Variants in DLGAP2 observed in about 807,000 individuals in gnomAD.
DLGAP2 encodes DLG associated protein 2.
Under a neutral mutation model 100.3 loss-of-function variants are expected in DLGAP2, and 26 were observed. That is an observed-to-expected ratio of 0.26 (90% confidence interval 0.19 to 0.36). The LOEUF is 0.36. DLGAP2 is among the 10% of genes least tolerant of loss of function. The pLI is 1.00. For synonymous variants in DLGAP2, 886 were observed against 630.1 expected (o/e 1.41, Z -6.08); for missense variants, 1,858 against 1,453.2 (o/e 1.28, Z -4.53).
In DLGAP2 at chr8:770,738, A is replaced by G. The variant is rs1456467549; in HGVS notation, c.18+32913A>G. On this transcript the variant is annotated intron_variant, in intron 1 of 14. Transcript: ENST00000637795. ...AACAGGTTCAGGGGGTTATGCTTGCATTGTGAGCCCCTGAGCTGTAAAATC... is the reference window on the plus strand; with the variant it reads ...AACAGGTTCAGGGGGTTATGCTTGCGTTGTGAGCCCCTGAGCTGTAAAATC... 5.9e-5 allele frequency among the ~76,000 whole-genome samples: 9 copies of G among 152,126 alleles called. No individual in the cohort carries two copies. The South Asian group carries it at 1.7e-3, about 28-fold the overall frequency.
Position 856,823 on chromosome 8 carries a change from G to A in DLGAP2, c.19-51089G>A, listed in dbSNP as rs138721550. Among the ~76,000 whole-genome samples, 106 of 152,294 alleles carry A rather than the reference G, an allele frequency of 7.0e-4. 1 individual carries two copies. Among genetic ancestry groups the A allele is most frequent in the Middle Eastern group, 3.4e-3 (1 of 294 alleles). On this transcript the variant is annotated intron_variant, in intron 1 of 14. Transcript: ENST00000637795. Reference sequence around the variant, plus strand: ...TCTTAACGTGTTCTATACATTCAGCGCAGTCCCCATCAGGATCCCAGCATG... The same window carrying A: ...TCTTAACGTGTTCTATACATTCAGCACAGTCCCCATCAGGATCCCAGCATG...
chr8:1,041,801 G>A (rs923013454), intron 2 of DLGAP2, among the ~76,000 whole-genome samples: 2 of 151,594 alleles, frequency 1.3e-5, no homozygotes, highest in Non-Finnish European at 2.9e-5. Flanking sequence ...CGAGCCCCTT[G>A]TCGTGGGTGA....
chr8:997,359 C>G (rs781016630), intron 2 of DLGAP2, among the ~76,000 whole-genome samples: 12 of 152,170 alleles, frequency 7.9e-5, no homozygotes, highest in Non-Finnish European at 1.3e-4. Context: ...TTACTTGATA[C>G]TTTTCCCCTG....
At chr8:1,037,319 C>A (rs1212300260) in intron 2 of DLGAP2, among the ~76,000 whole-genome samples, 3 of 152,166 alleles carry the variant, frequency 2.0e-5, no homozygotes, top group Non-Finnish European at 4.4e-5. Flanking sequence ...CTGAAGGACA[C>A]CTTTTATCTC....
intron 3 of DLGAP2, chr8:1,302,441 C>A (rs1389098368): frequency 2.4e-5 from 3 of 125,782 alleles, no homozygotes; most frequent in African/African-American, 8.6e-5. Context: ...ACACCTGGGA[C>A]CGGACTCGGA....
chr8:1,091,805 C>T (rs573286690), intron 2 of DLGAP2, among the ~76,000 whole-genome samples: 50 of 152,098 alleles, frequency 3.3e-4, no homozygotes, highest in African/African-American at 1.0e-3. Context: ...CCTACCCCTC[C>T]GCAGCCCCTG....
intron 2 of DLGAP2, among the ~76,000 whole-genome samples, chr8:1,033,309 A>G (rs79972692): frequency 0.017 from 2,517 of 152,262 alleles, 80 homozygotes; most frequent in African/African-American, 0.057. Flanking sequence ...CTCTTAGAAA[A>G]CACAAGAGCT....
chr8:816,508 TTGGC>T (rs1251929538), intron 1 of DLGAP2, among the ~76,000 whole-genome samples: 3 of 152,196 alleles, frequency 2.0e-5, no homozygotes, highest in Admixed American at 2.0e-4. Context: ...TGCAAAATTC[TTGGC>T]TGGTAATTGT....
intron 7 of DLGAP2, among the ~76,000 whole-genome samples, chr8:1,627,894 G>A (rs1042200393): frequency 7.3e-5 from 11 of 151,622 alleles, no homozygotes; most frequent in Admixed American, 4.6e-4. Context: ...GGAATTAAGA[G>A]CTTGAGCCGA....
rs183029812 is a variant in DLGAP2, at chr8:1,267,678, C to T, written c.106+8795C>T. On this transcript the variant is annotated intron_variant, in intron 3 of 14. Coordinates refer to ENST00000637795, the MANE Select transcript of DLGAP2 (RefSeq NM_001346810.2). ...CCAGGGTCAGCTCAGACACCATTTCCGTGATGAGACGCCCACGTCCTCCGT... is the reference window on the plus strand; with the variant it reads ...CCAGGGTCAGCTCAGACACCATTTCTGTGATGAGACGCCCACGTCCTCCGT... Among the ~76,000 whole-genome samples the T allele has an allele frequency of 4.6e-5, 7 of 151,884 alleles. No individual in the cohort carries two copies. The South Asian group carries it at 6.3e-4, about 14-fold the overall frequency.
In DLGAP2 at chr8:1,548,878, A is replaced by G. The variant is rs754188392; in HGVS notation, c.425A>G (p.His142Arg). ...CGCTGCTCGCCGCGCAGCTCGGTGCACTCGGAGTGCGTGATGATGCCGGTG... is the reference window on the plus strand; with the variant it reads ...CGCTGCTCGCCGCGCAGCTCGGTGCGCTCGGAGTGCGTGATGATGCCGGTG... Reference protein sequence around the residue: ...RHRCSPRSSVHSECVMMPVVL... With the variant: ...RHRCSPRSSVRSECVMMPVVL... Residue 142 changes from histidine to arginine, a missense_variant, in exon 5 of 15, where the codon CAC (histidine) becomes CGC (arginine). By Grantham distance (29) the His-to-Arg change is conservative. Coordinates refer to ENST00000637795, the MANE Select transcript of DLGAP2 (RefSeq NM_001346810.2). 1.3e-6 allele frequency: 2 copies of G among 1,594,516 alleles called. No homozygotes were observed. The highest frequency in any genetic ancestry group is 1.7e-6 in the Non-Finnish European group (2 of 1,176,804).
intron 3 of DLGAP2, among the ~76,000 whole-genome samples, chr8:1,442,337 A>G (rs1353053450): frequency 1.3e-5 from 2 of 149,226 alleles, no homozygotes; most frequent in African/African-American, 2.5e-5. Context: ...ACTGGGGGAG[A>G]TGGATCCAGG....
At chr8:1,214,224 G>A (rs1324128385) in intron 2 of DLGAP2, among the ~76,000 whole-genome samples, 1 of 152,110 alleles carries the variant, frequency 6.6e-6, no homozygotes, top group African/African-American at 2.4e-5. Flanking sequence ...CATTTTAAAT[G>A]CCCCTCCTCA....
At chr8:1,535,469 C>T (rs771669406) in intron 4 of DLGAP2, among the ~76,000 whole-genome samples, 1 of 152,142 alleles carries the variant, frequency 6.6e-6, no homozygotes, top group African/African-American at 2.4e-5. Context: ...CTGAGTGTGT[C>T]GACACACATG....
intron 2 of DLGAP2, among the ~76,000 whole-genome samples, chr8:1,138,052 G>A (rs1219760977): frequency 6.6e-6 from 1 of 152,208 alleles, no homozygotes; most frequent in African/African-American, 2.4e-5. Context: ...CTCGATGGAA[G>A]CTTTTCACAT....
At chr8:944,898 T>C (rs1413526725) in intron 2 of DLGAP2, among the ~76,000 whole-genome samples, 1 of 152,190 alleles carries the variant, frequency 6.6e-6, no homozygotes, top group African/African-American at 2.4e-5. Context: ...AGCCAAACCC[T>C]GCAGGTGATC....
chr8:806,499 G>A (rs891331766), intron 1 of DLGAP2, among the ~76,000 whole-genome samples: 3 of 152,196 alleles, frequency 2.0e-5, no homozygotes, highest in African/African-American at 4.8e-5. Context: ...GCTCCCCAAA[G>A]GGAGACTGAG....
At chr8:909,574 G>A (rs367944337) in intron 2 of DLGAP2, among the ~76,000 whole-genome samples, 15 of 152,008 alleles carry the variant, frequency 9.9e-5, no homozygotes, top group African/African-American at 3.6e-4. Context: ...TAATCAATCT[G>A]TAGAACCAAG....
chr8:1,357,037 A>C (rs1801870029), intron 3 of DLGAP2, among the ~76,000 whole-genome samples: 1 of 150,788 alleles, frequency 6.6e-6, no homozygotes, highest in Admixed American at 6.6e-5. Context: ...GGGAGAAATC[A>C]TCCTCCCTGT....
Sources: allele counts gnomAD v4.1 joint callset (sites outside exome capture counted in the v4.1 genomes callset), GRCh38; gene constraint gnomAD v4.1.1; transcripts MANE v1.5; gene names NCBI Gene and HGNC (gene_info 2026-07-23, HGNC 2026-07-21).